The following CDC14A variants were observed in gnomAD, a reference collection of about 807,000 sequenced individuals.
The protein encoded by CDC14A is dual specificity protein phosphatase CDC14A.
Under a neutral mutation model 74.4 loss-of-function variants are expected in CDC14A, and 53 were observed. The ratio of observed to expected loss-of-function variants is 0.71; its 90% CI spans 0.57 to 0.89. The LOEUF (loss-of-function observed/expected upper bound fraction) is 0.89, where lower values mean the gene tolerates loss of function less well. Among genes scored for constraint, CDC14A ranks in the 40% least tolerant of loss-of-function variants. CDC14A has a pLI of 0.00. For missense variants in CDC14A, 646 were observed against 713.7 expected (o/e 0.91, Z 1.08); for synonymous variants, 247 against 258.4 (o/e 0.96, Z 0.43).
At chr1:100,501,910 T>C (rs939752796) in intron 15 of CDC14A, among the ~76,000 whole-genome samples, 1 of 151,564 alleles carries the variant, frequency 6.6e-6, no homozygotes, top group African/African-American at 2.4e-5. Flanking sequence ...ATATTTAAAA[T>C]AAAAAAAATA....
chr1:100,420,029 T>TACACACAC (rs1322632330), intron 4 of CDC14A, among the ~76,000 whole-genome samples: 1 of 17,700 alleles, frequency 5.6e-5, no homozygotes, highest in East Asian at 1.8e-3. Flanking sequence ...TATATACATA[T>TACACACAC]ATACACACAC....
chr1:100,485,283 G>T lies in CDC14A; in HGVS notation c.1137+832G>T, dbSNP rs991018581. ...GTAGTGGGGCCACTTTGACAACTGGGCATTCAATTCCTAGTTTAGGTCTTT... is the reference window on the plus strand; with the variant it reads ...GTAGTGGGGCCACTTTGACAACTGGTCATTCAATTCCTAGTTTAGGTCTTT... On this transcript the variant is annotated intron_variant, in intron 11 of 15. Coordinates refer to ENST00000336454, the MANE Select transcript of CDC14A (RefSeq NM_003672.4). 8 of 985,286 alleles carry T rather than the reference G, an allele frequency of 8.1e-6. No homozygotes were observed. In the African/African-American group the frequency reaches 1.0e-4, roughly 13 times the overall value. The allele number at this position is 985,286 out of a possible 1,614,324, so 61.0% of individuals were successfully genotyped here. A position where few individuals can be genotyped will look rare whatever the true frequency, so the allele number is the denominator to read the frequency against.
chr1:100,443,072 T>G (rs1488605178), intron 7 of CDC14A, 76 bp downstream of exon 7: 8 of 958,970 alleles, frequency 8.3e-6, no homozygotes, highest in Non-Finnish European at 6.6e-6. Context: ...ACTCATGTAT[T>G]GCAAATCGAG....
At chr1:100,484,230 G>A in intron 10 of CDC14A, 62 bp from the exon 11 acceptor site, 1 of 948,986 alleles carries the variant, frequency 1.1e-6, no homozygotes, top group Non-Finnish European at 1.5e-6. Flanking sequence ...TTTGAGATGA[G>A]AGTAGATTGT....
At chr1:100,504,677 C>A in intron 15 of CDC14A, 1 of 619,118 alleles carries the variant, frequency 1.6e-6, no homozygotes, top group Non-Finnish European at 2.8e-6. Context: ...CAGAAATGAC[C>A]AGTGGTCCCT....
chr1:100,491,914 G>C (rs911836962), intron 11 of CDC14A, among the ~76,000 whole-genome samples: 2 of 140,762 alleles, frequency 1.4e-5, no homozygotes, highest in Non-Finnish European at 3.1e-5. Context: ...CCTCGTGGTC[G>C]TCACCACCGC....
intron 15 of CDC14A, among the ~76,000 whole-genome samples, chr1:100,509,294 G>A (rs1557839680): frequency 1.3e-5 from 2 of 152,152 alleles, no homozygotes; most frequent in African/African-American, 2.4e-5. Context: ...AAGTCATTCT[G>A]TTTGTATTGG....
At chr1:100,375,778 C>T (rs1385491766) in intron 2 of CDC14A, among the ~76,000 whole-genome samples, 1 of 152,188 alleles carries the variant, frequency 6.6e-6, no homozygotes, top group Non-Finnish European at 1.5e-5. Context: ...TACCATTTGA[C>T]CCAGCCATCC....
At chr1:100,346,938 A>C (rs929132259) in intron 1 of CDC14A, among the ~76,000 whole-genome samples, 21 of 152,232 alleles carry the variant, frequency 1.4e-4, no homozygotes, top group Non-Finnish European at 2.4e-4. Context: ...TCCATTAATA[A>C]ATCACAGGGT....
intron 5 of CDC14A, among the ~76,000 whole-genome samples, chr1:100,428,939 G>C (rs1663277679): frequency 6.6e-6 from 1 of 152,070 alleles, no homozygotes; most frequent in Non-Finnish European, 1.5e-5. Context: ...CGGGCGCGGT[G>C]GCTCACGCCT....
At chr1:100,389,956 T>C (rs1657456158) in intron 3 of CDC14A, among the ~76,000 whole-genome samples, 2 of 152,220 alleles carry the variant, frequency 1.3e-5, no homozygotes, top group African/African-American at 4.8e-5. Context: ...CTTATACTTA[T>C]TCGAGTTTTG....
intron 4 of CDC14A, among the ~76,000 whole-genome samples, chr1:100,401,627 G>GC (rs1173328155): frequency 4.6e-5 from 7 of 152,118 alleles, no homozygotes; most frequent in Non-Finnish European, 7.4e-5. Flanking sequence ...TCTCAGCATT[G>GC]TTTCTGTTTT....
At chr1:100,393,992 T>C in intron 4 of CDC14A, 1 of 260,414 alleles carries the variant, frequency 3.8e-6, no homozygotes, top group Non-Finnish European at 7.5e-6. Context: ...TGCATCCACC[T>C]CAACCTCTCC....
intron 4 of CDC14A, among the ~76,000 whole-genome samples, chr1:100,392,557 A>G (rs144896987): frequency 1.3e-5 from 2 of 152,052 alleles, no homozygotes; most frequent in Non-Finnish European, 2.9e-5. Context: ...TAAGCTTGAT[A>G]TAGCAGTTAT....
In CDC14A at chr1:100,420,063, C is replaced by CACACATATATATATATATATATATAT; in HGVS notation, c.310-4158_310-4157insCACATATATATATATATATATATATA. ...ACACACACACACACACACACACACA[C>CACACATATATATATATATATATATAT]ATATATATATATATATATAGTGTGT... On this transcript the variant is annotated intron_variant, in intron 4 of 15. Coordinates refer to ENST00000336454, the MANE Select transcript of CDC14A (RefSeq NM_003672.4). Among the ~76,000 whole-genome samples the CACACATATATATATATATATATATAT allele has an allele frequency of 7.4e-3, 456 of 61,536 alleles. 31 individuals are homozygous for CACACATATATATATATATATATATAT. The highest frequency in any genetic ancestry group is 0.013 in the Non-Finnish European group (335 of 26,124). 40.4% of individuals were successfully genotyped at this position (61,536 alleles called of 152,430 possible).
upstream of CDC14A, among the ~76,000 whole-genome samples, chr1:100,350,714 T>A (rs914829914): frequency 1.3e-5 from 2 of 152,244 alleles, no homozygotes; most frequent in African/African-American, 4.8e-5. Context: ...ACGCACTTTT[T>A]AATGAAAAAT....
intron 11 of CDC14A, among the ~76,000 whole-genome samples, chr1:100,492,956 G>T (rs1251386824): frequency 1.3e-5 from 2 of 151,880 alleles, no homozygotes; most frequent in African/African-American, 4.8e-5. Flanking sequence ...ATATTCTTCA[G>T]TTAGATCCCT....
chr1:100,433,893 T>C (rs2101107404), intron 5 of CDC14A, among the ~76,000 whole-genome samples: 1 of 152,316 alleles, frequency 6.6e-6, no homozygotes, highest in Non-Finnish European at 1.5e-5. Flanking sequence ...TCTCAAAATT[T>C]CTGAATATTT....
At position 100,390,817 on chromosome 1, in the gene CDC14A, C is replaced by T. The variant is rs140021980; in HGVS notation, c.302C>T (p.Ala101Val). ...GCAAATGCAGCATTTTTGATAGGTG[C>T]CTATGCAGTAAGTACCTTCTTCATG... ...KRANAAFLIG[A>V]YAVIYLKKTP... The change falls in exon 4 of 16, where the codon GCC (alanine) becomes GTC (valine). Residue 101 changes from alanine (A) to valine (V), a missense_variant. Ala to Val is a moderately conservative substitution (Grantham distance 64). Transcript: ENST00000336454. 6.9e-6 allele frequency: 11 copies of T among 1,605,528 alleles called. No individual in the cohort carries two copies. In the African/African-American group the frequency reaches 9.4e-5, roughly 14 times the overall value.
Sources: gnomAD v4.1 joint callset for allele counts (sites outside exome capture counted in the v4.1 genomes callset) on GRCh38, gnomAD v4.1.1 for gene constraint, MANE v1.5 for transcripts, NCBI Gene and HGNC (gene_info 2026-07-23, HGNC 2026-07-21) for gene names.